SLC8A1: variants seen among roughly 807,000 people sequenced by gnomAD.
SLC8A1 encodes the protein sodium/calcium exchanger 1.
SLC8A1 carries 18 observed loss-of-function variants against 68.3 expected under a neutral mutation model. That is an observed-to-expected ratio of 0.26 (90% CI 0.18 to 0.39). The LOEUF (loss-of-function observed/expected upper bound fraction) is 0.39. Ranked by LOEUF, SLC8A1 falls within the 10% of genes least tolerant of loss-of-function variation. The pLI is 1.00. For missense variants in SLC8A1, 985 were observed against 1,156.7 expected, an observed-to-expected ratio of 0.85 and a Z score of 2.15; for synonymous variants, 475 against 415.5, an observed-to-expected ratio of 1.14 and a Z score of -1.74.
intron 2 of SLC8A1, chr2:40,195,799 C>G (rs1367166775): frequency 1.3e-5 from 2 of 152,018 alleles, no homozygotes; most frequent in Non-Finnish European, 2.9e-5. Context: ...GCAAGACTCT[C>G]TGTATATTTG....
intron 2 of SLC8A1, among the ~76,000 whole-genome samples, chr2:40,219,219 C>T (rs1221641844): frequency 2.0e-5 from 3 of 152,082 alleles, no homozygotes; most frequent in Non-Finnish European, 4.4e-5. Context: ...AGAGGAGAAA[C>T]CATTGAGAAC....
rs1272972777 is a variant in SLC8A1 at position 40,331,242 on chromosome 2, C to G, written c.1808+97231G>C. Among the ~76,000 whole-genome samples the G allele has an allele frequency of 2.0e-5, 3 of 152,122 alleles. No individual in the cohort carries two copies. In the East Asian group the frequency reaches 5.8e-4, roughly 29 times the overall value. On this transcript the variant is annotated intron_variant, in intron 2 of 7. Coordinates refer to ENST00000406785, the Ensembl canonical transcript of SLC8A1. ...CATAATACATTATCAATAAATGTGT[C>G]TTATCATTACTATTGTCATTATTTA...
intron 2 of SLC8A1, among the ~76,000 whole-genome samples, chr2:40,292,320 T>G (rs1286286032): frequency 2.0e-5 from 3 of 152,150 alleles, no homozygotes; most frequent in Non-Finnish European, 4.4e-5. Context: ...ATCCATCCTG[T>G]CTCTCATGAT....
At chr2:40,418,578 C>T (rs1694572089) in intron 2 of SLC8A1, among the ~76,000 whole-genome samples, 1 of 152,168 alleles carries the variant, frequency 6.6e-6, no homozygotes, top group Non-Finnish European at 1.5e-5. Context: ...TCTGTAGTAG[C>T]CTCATTTGCT....
intron 2 of SLC8A1, among the ~76,000 whole-genome samples, chr2:40,222,792 GA>G (rs1280670234): frequency 2.6e-5 from 4 of 152,190 alleles, no homozygotes; most frequent in African/African-American, 7.2e-5. Context: ...TGTCATTAGA[GA>G]AATGCAAATC....
At chr2:40,253,600 C>A (rs968883173) in intron 2 of SLC8A1, among the ~76,000 whole-genome samples, 2 of 151,818 alleles carry the variant, frequency 1.3e-5, no homozygotes, top group Admixed American at 6.6e-5. Context: ...CCGAGGCAGG[C>A]GGATCACCTG....
intron 2 of SLC8A1, among the ~76,000 whole-genome samples, chr2:40,256,625 T>TTTG (rs905468185): frequency 6.6e-6 from 1 of 152,208 alleles, no homozygotes; most frequent in African/African-American, 2.4e-5. Context: ...GTAGCTTCAT[T>TTTG]TTGTTGTTGT....
intron 2 of SLC8A1, among the ~76,000 whole-genome samples, chr2:40,236,085 G>T (rs1380359404): frequency 6.6e-6 from 1 of 152,090 alleles, no homozygotes; most frequent in East Asian, 1.9e-4. Flanking sequence ...TGTTGATTTG[G>T]GGTGGACAGT....
intron 2 of SLC8A1, among the ~76,000 whole-genome samples, chr2:40,210,340 A>G (rs181773449): frequency 2.0e-3 from 298 of 152,280 alleles, no homozygotes; most frequent in Non-Finnish European, 3.8e-3. Flanking sequence ...ATTTTCACTG[A>G]ACTCATAGCT....
chr2:40,373,993 A>G (rs1018151995), intron 2 of SLC8A1, among the ~76,000 whole-genome samples: 1 of 152,174 alleles, frequency 6.6e-6, no homozygotes, highest in African/African-American at 2.4e-5. Flanking sequence ...GAGAAGAGGT[A>G]TCAGATACAC....
chr2:40,298,348 T>A (rs2070805312), intron 2 of SLC8A1, among the ~76,000 whole-genome samples: 1 of 152,216 alleles, frequency 6.6e-6, no homozygotes, highest in Non-Finnish European at 1.5e-5. Flanking sequence ...CTTGGCTCTT[T>A]TCTTTCCCTA....
intron 6 of SLC8A1, among the ~76,000 whole-genome samples, chr2:40,141,368 G>C (rs767212517): frequency 2.6e-5 from 4 of 152,226 alleles, no homozygotes; most frequent in African/African-American, 9.6e-5. Flanking sequence ...TCATTTTACA[G>C]GAAAAGAGAA....
intron 2 of SLC8A1, among the ~76,000 whole-genome samples, chr2:40,330,674 C>T (rs1299980228): frequency 2.0e-5 from 3 of 152,078 alleles, no homozygotes; most frequent in Non-Finnish European, 4.4e-5. Flanking sequence ...CTTATAGTTG[C>T]AAAGGTAAAT....
intron 2 of SLC8A1, among the ~76,000 whole-genome samples, chr2:40,205,453 AT>A (rs2055223339): frequency 1.3e-5 from 2 of 152,008 alleles, no homozygotes; most frequent in South Asian, 4.1e-4. Flanking sequence ...TCCATGGTGT[AT>A]ATGTACCACA....
chr2:40,174,650 T>A (rs1294240692), intron 4 of SLC8A1, 56 bp downstream of exon 6: 10 of 1,404,570 alleles, frequency 7.1e-6, no homozygotes, highest in Non-Finnish European at 9.9e-6. Flanking sequence ...TAGGTTTGGA[T>A]TGATGGTTAA....
chr2:40,164,717 G>T, intron 5 of SLC8A1, 137 bp downstream of exon 8: 4 of 1,180,006 alleles, frequency 3.4e-6, no homozygotes, highest in South Asian at 1.5e-5. Flanking sequence ...GGCCCCAAAG[G>T]CTCTCAATTC....
chr2:40,239,593 C>G (rs1474215195), intron 2 of SLC8A1, among the ~76,000 whole-genome samples: 8 of 152,172 alleles, frequency 5.3e-5, no homozygotes, highest in Non-Finnish European at 2.9e-5. Flanking sequence ...AGTCACTGTG[C>G]TGCCTCGTGA....
intron 2 of SLC8A1, among the ~76,000 whole-genome samples, chr2:40,363,186 A>G (rs1675106598): frequency 6.6e-6 from 1 of 152,136 alleles, no homozygotes; most frequent in Non-Finnish European, 1.5e-5. Flanking sequence ...TTTTCACCAT[A>G]TAAGTTAAGC....
At chr2:40,385,346 A>T (rs996076971) in intron 2 of SLC8A1, among the ~76,000 whole-genome samples, 10 of 151,662 alleles carry the variant, frequency 6.6e-5, no homozygotes, top group Non-Finnish European at 1.0e-4. Flanking sequence ...AGCCACACTT[A>T]AAGAAAGTTG....
Sources: allele counts gnomAD v4.1 joint callset (sites outside exome capture counted in the v4.1 genomes callset), GRCh38; gene constraint gnomAD v4.1.1; transcripts MANE v1.5; gene names NCBI Gene and HGNC (gene_info 2026-07-23, HGNC 2026-07-21).